CTNND2: variants seen among roughly 807,000 people sequenced by gnomAD.
CTNND2 encodes catenin delta-2.
In CTNND2, 22 loss-of-function variants were observed where a neutral mutation model predicts 144.4. The observed-to-expected ratio is 0.15, with a 90% CI of 0.11 to 0.22. The LOEUF is 0.22. Ranked by LOEUF, CTNND2 falls within the 10% of genes least tolerant of loss-of-function variation. The probability of loss-of-function intolerance (pLI) is 1.00; values close to 1 mark genes in which losing one functional copy is unlikely to be tolerated. For synonymous variants in CTNND2, 751 were observed against 695.6 expected, an observed-to-expected ratio of 1.08 and a Z score of -1.25; for missense variants, 1,353 against 1,618.8, an observed-to-expected ratio of 0.84 and a Z score of 2.82.
At chr5:11,821,032 A>G (rs970880032) in intron 1 of CTNND2, among the ~76,000 whole-genome samples, 2 of 152,242 alleles carry the variant, frequency 1.3e-5, no homozygotes, top group Admixed American at 6.5e-5. Context: ...ATGAAACATC[A>G]TATCTTTAAT....
intron 16 of CTNND2, among the ~76,000 whole-genome samples, chr5:11,043,805 A>T (rs2973488): frequency 0.19 from 29,346 of 152,126 alleles, 5,684 homozygotes; most frequent in East Asian, 0.58. Context: ...AAGGAGAAAG[A>T]TTTGATGAGT....
At chr5:11,167,177 C>T (rs1323704729) in intron 11 of CTNND2, among the ~76,000 whole-genome samples, 1 of 152,102 alleles carries the variant, frequency 6.6e-6, no homozygotes, top group African/African-American at 2.4e-5. Flanking sequence ...GAAGAAAGGG[C>T]CTCTGAGGCT....
chr5:11,665,453 C>G (rs115023675), intron 2 of CTNND2, among the ~76,000 whole-genome samples: 2,814 of 152,248 alleles, frequency 0.018, 93 homozygotes, highest in African/African-American at 0.064. Flanking sequence ...GTGTATAAAT[C>G]TTACTACATT....
chr5:11,224,927 G>A (rs1212481104), intron 10 of CTNND2, among the ~76,000 whole-genome samples: 1 of 151,826 alleles, frequency 6.6e-6, no homozygotes, highest in African/African-American at 2.4e-5. Flanking sequence ...ATTATTACAA[G>A]AGGCTACTGT....
intron 1 of CTNND2, among the ~76,000 whole-genome samples, chr5:11,886,386 A>C (rs1454204670): frequency 6.6e-6 from 1 of 152,184 alleles, no homozygotes; most frequent in Non-Finnish European, 1.5e-5. Context: ...ACAGAAATAC[A>C]AAGGGTCATT....
intron 10 of CTNND2, among the ~76,000 whole-genome samples, chr5:11,212,065 T>C (rs1366529585): frequency 6.6e-6 from 1 of 152,232 alleles, no homozygotes; most frequent in African/African-American, 2.4e-5. Context: ...GCACATATTT[T>C]TTTTTCTTTC....
At chr5:11,863,464 G>T (rs1795598642) in intron 1 of CTNND2, among the ~76,000 whole-genome samples, 1 of 152,166 alleles carries the variant, frequency 6.6e-6, no homozygotes, top group Non-Finnish European at 1.5e-5. Context: ...ATGGACAGCT[G>T]CTACCAGGAC....
intron 3 of CTNND2, among the ~76,000 whole-genome samples, chr5:11,561,060 C>T (rs1581500516): frequency 6.6e-6 from 1 of 152,068 alleles, no homozygotes; most frequent in Non-Finnish European, 1.5e-5. Context: ...ATTAAGCTGC[C>T]GGATAACACC....
intron 2 of CTNND2, among the ~76,000 whole-genome samples, chr5:11,573,981 T>C (rs1273535134): frequency 6.6e-6 from 1 of 152,154 alleles, no homozygotes; most frequent in Non-Finnish European, 1.5e-5. Context: ...TATTTGAAGA[T>C]GATGTATAAT....
chr5:11,334,814 GCCC>G (rs1753572735), intron 9 of CTNND2, among the ~76,000 whole-genome samples: 1 of 152,096 alleles, frequency 6.6e-6, no homozygotes, highest in African/African-American at 2.4e-5. Flanking sequence ...CTCTAAAGAG[GCCC>G]CCAAACTAAG....
intron 15 of CTNND2, chr5:11,084,069 A>G (rs1020033548): frequency 1.9e-6 from 1 of 537,670 alleles, no homozygotes; most frequent in South Asian, 6.5e-5. Flanking sequence ...TCTCACCTCT[A>G]CTTTGTATCT....
At chr5:11,065,210 G>C (rs1376528238) in intron 16 of CTNND2, among the ~76,000 whole-genome samples, 2 of 152,170 alleles carry the variant, frequency 1.3e-5, no homozygotes, top group Non-Finnish European at 2.9e-5. Context: ...CAGTCACCTG[G>C]GCCTTTCCCA....
intron 3 of CTNND2, among the ~76,000 whole-genome samples, chr5:11,460,488 A>G (rs571898532): frequency 6.6e-6 from 1 of 152,336 alleles, no homozygotes; most frequent in East Asian, 1.9e-4. Flanking sequence ...TATGAGAACC[A>G]AAAATATGCA....
At chr5:11,506,516 C>T (rs26161) in intron 3 of CTNND2, among the ~76,000 whole-genome samples, 96,752 of 152,086 alleles carry the variant, frequency 0.64, 32,627 homozygotes, top group African/African-American at 0.86. Context: ...AATTATACTA[C>T]ATTTGGAATT....
At chr5:10,974,330 A>G (rs1001476603) in intron 21 of CTNND2, among the ~76,000 whole-genome samples, 1 of 152,230 alleles carries the variant, frequency 6.6e-6, no homozygotes, top group African/African-American at 2.4e-5. Flanking sequence ...TGATGAATGC[A>G]CTGAAGGCCA....
At chr5:11,894,099 A>T (rs1316968969) in intron 1 of CTNND2, among the ~76,000 whole-genome samples, 1 of 152,148 alleles carries the variant, frequency 6.6e-6, no homozygotes, top group Non-Finnish European at 1.5e-5. Context: ...CAATTTGTTC[A>T]AAGTATTTAA....
chr5:11,313,006 G>A (rs1751147995), intron 9 of CTNND2, among the ~76,000 whole-genome samples: 1 of 152,102 alleles, frequency 6.6e-6, no homozygotes. Flanking sequence ...CACATCCATT[G>A]GAGCAGGTCA....
chr5:11,709,777 T>G (rs2126689331), intron 2 of CTNND2, among the ~76,000 whole-genome samples: 1 of 152,348 alleles, frequency 6.6e-6, no homozygotes, highest in South Asian at 2.1e-4. Flanking sequence ...GGAGAGATTT[T>G]GTACAAAACA....
At chr5:11,730,385 C>T (rs78772366) in intron 2 of CTNND2, among the ~76,000 whole-genome samples, 7,720 of 152,214 alleles carry the variant, frequency 0.051, 321 homozygotes, top group South Asian at 0.075. Context: ...GTTATGACAA[C>T]ACCACGTAAG....
Sources: gnomAD v4.1 joint callset for allele counts (sites outside exome capture counted in the v4.1 genomes callset) on GRCh38, gnomAD v4.1.1 for gene constraint, MANE v1.5 for transcripts, NCBI Gene and HGNC (gene_info 2026-07-23, HGNC 2026-07-21) for gene names.